Variants in NUMBL observed in about 807,000 individuals in gnomAD.
The protein encoded by NUMBL is numb-like protein.
Under a neutral mutation model 48.9 loss-of-function variants are expected in NUMBL, and 20 were observed. That is an observed-to-expected ratio of 0.41 (90% CI 0.29 to 0.59). NUMBL has a LOEUF of 0.59. Ranked by LOEUF, NUMBL falls within the 20% of genes least tolerant of loss-of-function variation. NUMBL has a pLI of 0.31. For missense variants in NUMBL, 660 were observed against 846.2 expected (o/e 0.78, Z 2.73); for synonymous variants, 340 against 348.7 (o/e 0.98, Z 0.28).
intron 6 of NUMBL, among the ~76,000 whole-genome samples, chr19:40,680,442 G>A (rs962606294): frequency 3.3e-5 from 4 of 122,424 alleles, no homozygotes; most frequent in African/African-American, 3.6e-5. Context: ...GAGCCACCAC[G>A]CCTGGCCAAT....
chr19:40,675,171 CTT>C (rs2081869125), intron 7 of NUMBL, among the ~76,000 whole-genome samples: 1 of 62,180 alleles, frequency 1.6e-5, no homozygotes. Flanking sequence ...AAAAAAAAAA[CTT>C]AGCTGGACGT....
rs762719430 is a variant in NUMBL, at chr19:40,687,359, A to C, written c.25-364T>G. ...TGGCCACAGCTTTACACACTTGGTT[A>C]CACATAGACGCAATCACAGCTACAC... On this transcript the variant is annotated intron_variant, in intron 1 of 9. Transcript: ENST00000252891. This position sits in a 1 kb window ranked among gnomAD's most constrained non-coding sequence, Gnocchi z 4.6. 2.0e-5 allele frequency among the ~76,000 whole-genome samples: 3 copies of C among 152,196 alleles called. No homozygotes were observed. Among genetic ancestry groups the C allele is most frequent in the Admixed American group, 6.5e-5 (1 of 15,280 alleles).
intron 2 of NUMBL, among the ~76,000 whole-genome samples, chr19:40,686,539 G>T (rs2081935400): frequency 7.4e-6 from 1 of 135,704 alleles, no homozygotes; most frequent in Non-Finnish European, 1.6e-5. Flanking sequence ...GAATCTGGGT[G>T]TTGTCTAGGA....
intron 6 of NUMBL, among the ~76,000 whole-genome samples, 171 bp downstream of exon 6, chr19:40,680,746 G>A (rs1011908402): frequency 1.3e-5 from 2 of 152,190 alleles, no homozygotes; most frequent in Admixed American, 6.5e-5. Context: ...ACTGCACCCG[G>A]CCCTCACGTG....
Position 40,669,996 on chromosome 19 carries a change from G to C in NUMBL, c.1061C>G (p.Ala354Gly). Residue 354 changes from alanine (A) to glycine (G), a missense_variant, in exon 9 of 10, where the codon GCC becomes GGC. Around this residue, in one of 3 missense-constraint regions of NUMBL, gnomAD observed 296 missense variants for 339.7 expected, o/e 0.87. Coordinates refer to ENST00000252891, the MANE Select transcript of NUMBL (RefSeq NM_004756.5). ...AGCGTTGATGCTGTCACTGTCGCCG[G>C]CACCAGGAGGCTCCATCTCAGGCAC... is the stretch of plus-strand genomic sequence containing the variant. ...GTVPEMEPPGAGDSDSINALC... is the reference protein window; with the variant it reads ...GTVPEMEPPGGGDSDSINALC... The C allele has an allele frequency of 6.2e-7, 1 of 1,613,804 alleles. No homozygotes were observed. The highest frequency in any genetic ancestry group is 8.5e-7 in the Non-Finnish European group (1 of 1,179,846).
chr19:40,667,281 T>C lies in NUMBL; in HGVS notation c.*187A>G. On this transcript the variant is annotated 3_prime_UTR_variant, in exon 10 of 10. Coordinates refer to ENST00000252891, the MANE Select transcript of NUMBL (RefSeq NM_004756.5). This position sits in a 1 kb window ranked among gnomAD's most constrained non-coding sequence, Gnocchi z 6.1. ...AGCCAGGCTGGGTCCGTCCCTGAAT[T>C]CCATCCTGTTGCAACCTGGGCGTCA... 1 of 840,138 alleles carries C rather than the reference T, an allele frequency of 1.2e-6. No homozygotes were observed. The highest frequency in any genetic ancestry group is 1.8e-6 in the Non-Finnish European group (1 of 558,918). 52.0% of individuals were successfully genotyped at this position (840,138 alleles called of 1,614,324 possible). A position where few individuals can be genotyped will look rare whatever the true frequency, so the allele number is the denominator to read the frequency against.
intron 3 of NUMBL, among the ~76,000 whole-genome samples, chr19:40,683,765 A>G (rs1181080596): frequency 6.6e-6 from 1 of 152,010 alleles, no homozygotes; most frequent in African/African-American, 2.4e-5. Context: ...CTGGTACAAA[A>G]AAATGTGTTC....
In NUMBL at chr19:40,677,901, T is replaced by C. The variant is rs142971775; in HGVS notation, c.541-480A>G. ...TATGGGGTGGGGAATGACTGGAAAG[T>C]GTATGAGGGGATGACCGGGTGGTGG... On this transcript the variant is annotated intron_variant, in intron 6 of 9. Coordinates refer to ENST00000252891, the MANE Select transcript of NUMBL (RefSeq NM_004756.5). 6.6e-5 allele frequency among the ~76,000 whole-genome samples: 10 copies of C among 151,968 alleles called. No individual in the cohort carries two copies. In the East Asian group the frequency reaches 1.7e-3, roughly 26 times the overall value.
Position 40,687,969 on chromosome 19 carries a change from C to G in NUMBL, c.25-974G>C, listed in dbSNP as rs1256227172. On this transcript the variant is annotated intron_variant, in intron 1 of 9. Coordinates refer to ENST00000252891, the MANE Select transcript of NUMBL (RefSeq NM_004756.5). This position sits in a 1 kb window ranked among gnomAD's most constrained non-coding sequence, Gnocchi z 4.6. ...CATAGGTGCTCAAATCTGGTCACAG[C>G]ATCAGTCACACAGTCTATTGTGACA... 6.6e-6 allele frequency among the ~76,000 whole-genome samples: 1 copy of G among 152,192 alleles called. No individual in the cohort carries two copies. Among genetic ancestry groups the G allele is most frequent in the Admixed American group, 6.5e-5 (1 of 15,274 alleles).
chr19:40,667,728 C>G lies in NUMBL; in HGVS notation c.1570G>C (p.Ala524Pro). ...GTGGCAGGCTGAGGCTGGAGCTGGG[C>G]GGCTGAGCAGAAGGCGTTTGCCACC... ...QMVANAFCSA[A>P]QLQPQPATLL... Residue 524 changes from alanine (A) to proline (P), a missense_variant, in exon 10 of 10, where the codon GCC (alanine) becomes CCC (proline). Transcript: ENST00000252891. This position sits in a 1 kb window ranked among gnomAD's most constrained non-coding sequence, Gnocchi z 6.1. 1 of 1,575,206 alleles carries G rather than the reference C, an allele frequency of 6.3e-7. No homozygotes were observed. The highest frequency in any genetic ancestry group is 8.6e-7 in the Non-Finnish European group (1 of 1,161,262).
At chr19:40,675,480 G>A (rs1489602982) in intron 7 of NUMBL, among the ~76,000 whole-genome samples, 1 of 150,328 alleles carries the variant, frequency 6.7e-6, no homozygotes, top group Non-Finnish European at 1.5e-5. Context: ...TTTTCCCAAA[G>A]AACTTAAATT....
Position 40,667,082 on chromosome 19 carries a change from C to A in NUMBL, c.*386G>T, listed in dbSNP as rs1390813770. On this transcript the variant is annotated 3_prime_UTR_variant, in exon 10 of 10. Coordinates refer to ENST00000252891, the MANE Select transcript of NUMBL (RefSeq NM_004756.5). This position sits in a 1 kb window ranked among gnomAD's most constrained non-coding sequence, Gnocchi z 6.1. The stretch of plus-strand genomic sequence containing the variant: ...GCACTGGTGTGGGGCCCAGGAGAGC[C>A]CCTAAGCAAGTGTCCCCCCTCCATC... The A allele has an allele frequency of 3.6e-6, 1 of 277,166 alleles. No individual in the cohort carries two copies. Among genetic ancestry groups the A allele is most frequent in the Non-Finnish European group, 7.0e-6 (1 of 142,980 alleles). 17.2% of individuals were successfully genotyped at this position (277,166 alleles called of 1,614,324 possible).
intron 6 of NUMBL, among the ~76,000 whole-genome samples, chr19:40,679,349 G>C (rs1010897992): frequency 7.9e-5 from 12 of 152,142 alleles, no homozygotes; most frequent in Admixed American, 7.9e-4. Flanking sequence ...CACCAGCCTT[G>C]ATGACAGAGA....
intron 3 of NUMBL, 39 bp downstream of exon 3, chr19:40,684,378 G>A (rs751659438): frequency 1.3e-6 from 2 of 1,531,288 alleles, no homozygotes; most frequent in East Asian, 2.5e-5. Context: ...AGCGGCCCCC[G>A]TCCCCCTCGC....
At position 40,667,638 on chromosome 19, in the gene NUMBL, G is replaced by A. The variant is rs555115582; in HGVS notation, c.1660C>T (p.Arg554Cys). 2.6e-5 allele frequency: 40 copies of A among 1,557,576 alleles called. No individual in the cohort carries two copies. In the Admixed American group the frequency reaches 5.0e-4, roughly 20 times the overall value. Reference sequence around the variant, plus strand: ...CAGGGGGCCCCATTGGGGCGAGGGCGGGCCTGGCTCCCAGGGGCACTGGGT... The same window carrying A: ...CAGGGGGCCCCATTGGGGCGAGGGCAGGCCTGGCTCCCAGGGGCACTGGGT... Reference protein sequence around the residue: ...AIPSAPGSQARPRPNGAPWPP... With the variant: ...AIPSAPGSQACPRPNGAPWPP... Residue 554 changes from arginine to cysteine, a missense_variant, in exon 10 of 10, where the codon CGC becomes TGC. Physicochemically the swap from Arg to Cys is radical, Grantham distance 180. This residue lies in a region of NUMBL where 296 missense variants were observed against 339.7 expected (regional missense o/e 0.87). Transcript: ENST00000252891. The surrounding 1 kb of genome is among the most constrained non-coding windows in gnomAD (Gnocchi z 6.1).
intron 3 of NUMBL, 156 bp downstream of exon 3, chr19:40,684,261 G>C: frequency 1.3e-6 from 1 of 741,058 alleles, no homozygotes; most frequent in Non-Finnish European, 2.1e-6. Context: ...GTAGAGCCGG[G>C]GTTTCACCGT....
rs978738458 is a variant in NUMBL at position 40,688,297 on chromosome 19, C to T, written c.25-1302G>A. Among the ~76,000 whole-genome samples, 1 of 152,222 alleles carries T rather than the reference C, an allele frequency of 6.6e-6. No homozygotes were observed. The highest frequency in any genetic ancestry group is 1.5e-5 in the Non-Finnish European group (1 of 68,040). On this transcript the variant is annotated intron_variant, in intron 1 of 9. Transcript: ENST00000252891. The surrounding 1 kb of genome is among the most constrained non-coding windows in gnomAD (Gnocchi z 4.6). ...AGACAAGTATGTGGCCATATAGAAT[C>T]ACAGCCCCGTGTGGACAGGTGCACA...
At chr19:40,683,075 G>A in intron 3 of NUMBL, 107 bp from the exon 4 acceptor site, 1 of 964,440 alleles carries the variant, frequency 1.0e-6, no homozygotes, top group South Asian at 1.3e-5. Context: ...TTAAGCACAT[G>A]ATGTGTATGC....
chr19:40,688,426 T>C lies in NUMBL; in HGVS notation c.25-1431A>G, dbSNP rs1400062993. On this transcript the variant is annotated intron_variant, in intron 1 of 9. Coordinates refer to ENST00000252891, the MANE Select transcript of NUMBL (RefSeq NM_004756.5). The surrounding 1 kb of genome is among the most constrained non-coding windows in gnomAD (Gnocchi z 4.6). Reference sequence around the variant, plus strand: ...ACACAGTCCAGTGTATGCACATAAATGCAGTGACCAGGATGTGGCATTTAT... The same window carrying C: ...ACACAGTCCAGTGTATGCACATAAACGCAGTGACCAGGATGTGGCATTTAT... Among the ~76,000 whole-genome samples, 2 of 152,138 alleles carry C rather than the reference T, an allele frequency of 1.3e-5. No individual in the cohort carries two copies. The highest frequency in any genetic ancestry group is 2.9e-5 in the Non-Finnish European group (2 of 68,034).
Sources: allele counts gnomAD v4.1 joint callset (sites outside exome capture counted in the v4.1 genomes callset), GRCh38; gene constraint gnomAD v4.1.1; regional missense constraint gnomAD v4.1.1; non-coding constraint Gnocchi (gnomAD v3.1); transcripts MANE v1.5; gene names NCBI Gene and HGNC (gene_info 2026-07-23, HGNC 2026-07-21).